The following ULK4 variants were observed in gnomAD, a reference collection of about 807,000 sequenced individuals.
ULK4 encodes the protein unc-51 like kinase 4.
In ULK4, 133 loss-of-function variants were observed where a neutral mutation model predicts 160.6. The ratio of observed to expected loss-of-function variants is 0.83; its 90% CI spans 0.72 to 0.96. ULK4 has a LOEUF of 0.96. ULK4 is among the 40% of genes least tolerant of loss of function. The pLI is 0.00. For missense variants in ULK4, 1,580 were observed against 1,499.5 expected (o/e 1.05, Z -0.89); for synonymous variants, 534 against 539.8 (o/e 0.99, Z 0.15).
chr3:41,508,278 C>T (rs1227455238), intron 32 of ULK4, among the ~76,000 whole-genome samples: 1 of 152,134 alleles, frequency 6.6e-6, no homozygotes, highest in Non-Finnish European at 1.5e-5. Flanking sequence ...GCAGCCACAG[C>T]AAGCCCTGCC....
intron 34 of ULK4, among the ~76,000 whole-genome samples, chr3:41,409,714 C>A (rs34408208): frequency 7.2e-4 from 110 of 151,972 alleles, no homozygotes; most frequent in Non-Finnish European, 7.4e-4. Context: ...TCTGGGAGGC[C>A]GAGGCAGGTG....
intron 32 of ULK4, among the ~76,000 whole-genome samples, chr3:41,522,212 T>C (rs1036992358): frequency 6.7e-6 from 1 of 149,538 alleles, no homozygotes; most frequent in Non-Finnish European, 1.5e-5. Context: ...CTGCAGCCCC[T>C]GCCTTCTGGG....
intron 32 of ULK4, among the ~76,000 whole-genome samples, chr3:41,481,370 T>C (rs991898219): frequency 2.0e-5 from 3 of 152,208 alleles, no homozygotes; most frequent in Non-Finnish European, 4.4e-5. Flanking sequence ...TGAACCAGAC[T>C]GACTCCATCT....
intron 17 of ULK4, among the ~76,000 whole-genome samples, chr3:41,880,474 C>A (rs562892144): frequency 1.3e-5 from 2 of 152,104 alleles, no homozygotes; most frequent in African/African-American, 4.8e-5. Context: ...TTTTTTCTGT[C>A]TCTTTATAAC....
chr3:41,384,933 T>C (rs1050085872), intron 35 of ULK4, among the ~76,000 whole-genome samples: 4 of 152,110 alleles, frequency 2.6e-5, no homozygotes, highest in African/African-American at 9.7e-5. Flanking sequence ...TGCATGCCTG[T>C]AGTCCCAGCT....
chr3:41,956,027 G>C (rs1700472350), intron 1 of ULK4, among the ~76,000 whole-genome samples: 1 of 152,084 alleles, frequency 6.6e-6, no homozygotes, highest in Non-Finnish European at 1.5e-5. Flanking sequence ...TAACTAAATT[G>C]AAAGGAAAAC....
At chr3:41,633,296 C>G (rs2033821778) in intron 30 of ULK4, among the ~76,000 whole-genome samples, 1 of 152,108 alleles carries the variant, frequency 6.6e-6, no homozygotes, top group Non-Finnish European at 1.5e-5. Flanking sequence ...TTGAATCAAT[C>G]AAGAGAAGAA....
At chr3:41,561,177 CA>C (rs1353753041) in intron 32 of ULK4, among the ~76,000 whole-genome samples, 2 of 152,118 alleles carry the variant, frequency 1.3e-5, no homozygotes, top group Non-Finnish European at 2.9e-5. Flanking sequence ...TATTGATTTG[CA>C]TATGTTGAAC....
intron 29 of ULK4, among the ~76,000 whole-genome samples, chr3:41,671,911 G>A (rs1207422131): frequency 6.6e-6 from 1 of 152,042 alleles, no homozygotes; most frequent in East Asian, 1.9e-4. Flanking sequence ...CCATTTAAAA[G>A]TGGGCAAAGG....
At chr3:41,300,853 A>ATATATC (rs2079778441) in intron 35 of ULK4, among the ~76,000 whole-genome samples, 6 of 84,434 alleles carry the variant, frequency 7.1e-5, no homozygotes, top group Admixed American at 6.8e-4. Context: ...ATATATATAT[A>ATATATC]TATATATATA....
chr3:41,938,303 C>T (rs980373487), intron 2 of ULK4, 106 bp from the exon 3 acceptor site: 16 of 802,274 alleles, frequency 2.0e-5, no homozygotes, highest in South Asian at 4.0e-5. Flanking sequence ...AAAATGGTGA[C>T]ATTTATTTGG....
chr3:41,648,328 C>A (rs557524634), intron 30 of ULK4, among the ~76,000 whole-genome samples: 1 of 152,120 alleles, frequency 6.6e-6, no homozygotes, highest in Admixed American at 6.6e-5. Context: ...TGTTCCTATT[C>A]GGCCATCTTG....
intron 35 of ULK4, among the ~76,000 whole-genome samples, chr3:41,277,511 TCAAGAGATGCAGAAAAAG>T (rs2079250613): frequency 6.6e-6 from 1 of 152,200 alleles, no homozygotes; most frequent in South Asian, 2.1e-4. Flanking sequence ...CATGATCATC[TCAAGAGATGCAGAAAAAG>T]CATTTGATAA....
intron 17 of ULK4, among the ~76,000 whole-genome samples, chr3:41,863,219 C>A (rs761754581): frequency 6.0e-5 from 9 of 150,842 alleles, no homozygotes; most frequent in Admixed American, 2.6e-4. Context: ...AGGATCCTCA[C>A]CTGTAGCCAC....
At chr3:41,530,987 C>T (rs1430117059) in intron 32 of ULK4, among the ~76,000 whole-genome samples, 1 of 151,292 alleles carries the variant, frequency 6.6e-6, no homozygotes, top group African/African-American at 2.4e-5. Context: ...TGGTCTCGAT[C>T]TCTTGACCTC....
intron 35 of ULK4, among the ~76,000 whole-genome samples, chr3:41,360,751 C>G (rs1346201239): frequency 6.6e-6 from 1 of 152,056 alleles, no homozygotes; most frequent in Non-Finnish European, 1.5e-5. Context: ...GAACAACACA[C>G]ATTGGGGCCT....
At chr3:41,339,345 C>T (rs185411989) in intron 35 of ULK4, among the ~76,000 whole-genome samples, 71 of 152,244 alleles carry the variant, frequency 4.7e-4, no homozygotes, top group African/African-American at 1.7e-3. Flanking sequence ...CACACAATGC[C>T]CCTTGCCAAT....
rs1280814127 is a variant in ULK4 at position 41,804,590 on chromosome 3, G to T, written c.1849-4297C>A. On this transcript the variant is annotated intron_variant, in intron 19 of 36. Coordinates refer to ENST00000301831, the MANE Select transcript of ULK4 (RefSeq NM_017886.4). ...TGTCCTGAATGGTATTGCCTAGGTT[G>T]TCTTCTAGGCTTTTTATGGTTTTAG... Among the ~76,000 whole-genome samples, 3 of 151,674 alleles carry T rather than the reference G, an allele frequency of 2.0e-5. No individual in the cohort carries two copies. The East Asian group carries it at 5.8e-4, about 29-fold the overall frequency.
intron 35 of ULK4, among the ~76,000 whole-genome samples, chr3:41,335,520 T>C (rs1275732515): frequency 6.6e-6 from 1 of 152,060 alleles, no homozygotes; most frequent in Non-Finnish European, 1.5e-5. Context: ...AATGGAGAAA[T>C]AGTGAGATAA....
Sources: gnomAD v4.1 joint callset for allele counts (sites outside exome capture counted in the v4.1 genomes callset) on GRCh38, gnomAD v4.1.1 for gene constraint, MANE v1.5 for transcripts, NCBI Gene and HGNC (gene_info 2026-07-23, HGNC 2026-07-21) for gene names.